The following POLK variants were observed in gnomAD, a reference collection of about 807,000 sequenced individuals.
POLK encodes the protein polymerase (DNA directed) kappa.
Under a neutral mutation model 94.0 loss-of-function variants are expected in POLK, and 76 were observed. The ratio of observed to expected loss-of-function variants is 0.81; its 90% CI spans 0.67 to 0.98. POLK has a LOEUF of 0.98. POLK is among the 50% of genes least tolerant of loss of function. The pLI is 0.00. For synonymous variants in POLK, 349 were observed against 325.4 expected, an observed-to-expected ratio of 1.07 and a Z score of -0.78; for missense variants, 954 against 1,010.1, an observed-to-expected ratio of 0.94 and a Z score of 0.75.
intron 1 of POLK, among the ~76,000 whole-genome samples, chr5:75,530,279 T>C (rs187680447): frequency 1.1e-3 from 161 of 147,896 alleles, no homozygotes; most frequent in African/African-American, 3.8e-3. Flanking sequence ...AGATGGAATC[T>C]TGCTTTGTCA....
At chr5:75,561,383 T>C (rs1324739920) in intron 3 of POLK, among the ~76,000 whole-genome samples, 1 of 152,194 alleles carries the variant, frequency 6.6e-6, no homozygotes, top group Non-Finnish European at 1.5e-5. Context: ...TTTGTGTAAG[T>C]TCCTTGTAGA....
At chr5:75,574,873 A>C (rs1392963782) in intron 5 of POLK, among the ~76,000 whole-genome samples, 1 of 152,242 alleles carries the variant, frequency 6.6e-6, no homozygotes, top group Non-Finnish European at 1.5e-5. Context: ...ATAAAATACT[A>C]ATCATAAATA....
At chr5:75,586,929 G>T in intron 9 of POLK, 97 bp from the exon 10 acceptor site, 1 of 779,936 alleles carries the variant, frequency 1.3e-6, no homozygotes, top group South Asian at 1.7e-5. Context: ...TAAAAAATTT[G>T]AGAGCTCTAA....
chr5:75,570,272 G>A (rs1350954465), intron 4 of POLK, among the ~76,000 whole-genome samples: 1 of 152,048 alleles, frequency 6.6e-6, no homozygotes, highest in Non-Finnish European at 1.5e-5. Context: ...AATTTCCATG[G>A]CAAATTAAAT....
chr5:75,530,401 T>C (rs1168508510), intron 1 of POLK, among the ~76,000 whole-genome samples: 9 of 107,596 alleles, frequency 8.4e-5, no homozygotes, highest in Non-Finnish European at 1.6e-4. Context: ...TTTTTCTTTT[T>C]TTTTTTTTTT....
At chr5:75,608,798 C>G in the POLK span, 1 of 152,126 alleles carries the variant, frequency 6.6e-6, no homozygotes, top group African/African-American at 2.4e-5. Context: ...TGATGGCTCT[C>G]CACCAGGAAA....
chr5:75,532,900 G>T (rs186041807), intron 1 of POLK, among the ~76,000 whole-genome samples: 2 of 152,042 alleles, frequency 1.3e-5, no homozygotes, highest in African/African-American at 4.8e-5. Flanking sequence ...AAAAGTATTT[G>T]TTCATGTTTT....
intron 1 of POLK, among the ~76,000 whole-genome samples, chr5:75,539,646 CA>C (rs1769634923): frequency 6.6e-6 from 1 of 151,850 alleles, no homozygotes; most frequent in Admixed American, 6.6e-5. Context: ...TTTATAGAGA[CA>C]GGCGTCTTAC....
intron 3 of POLK, among the ~76,000 whole-genome samples, chr5:75,562,665 T>C (rs1771050252): frequency 6.6e-6 from 1 of 152,200 alleles, no homozygotes. Context: ...ATAGCTCTTA[T>C]TATTTTGAGA....
At chr5:75,543,535 G>A (rs967881160) in intron 1 of POLK, among the ~76,000 whole-genome samples, 2 of 152,176 alleles carry the variant, frequency 1.3e-5, no homozygotes, top group Admixed American at 6.5e-5. Flanking sequence ...CGTAAATGGA[G>A]CTGGTTGGAG....
chr5:75,522,108 A>G (rs1431516480), intron 1 of POLK, among the ~76,000 whole-genome samples: 1 of 152,078 alleles, frequency 6.6e-6, no homozygotes, highest in African/African-American at 2.4e-5. Flanking sequence ...CCCTTTGTGT[A>G]CTCATGATGC....
chr5:75,524,224 A>T (rs1158002190), intron 1 of POLK, among the ~76,000 whole-genome samples: 2 of 152,192 alleles, frequency 1.3e-5, no homozygotes, highest in African/African-American at 4.8e-5. Flanking sequence ...GAATATGAGA[A>T]CCTGTTTCAT....
chr5:75,545,913 A>G (rs1769995444), intron 1 of POLK, among the ~76,000 whole-genome samples: 1 of 152,208 alleles, frequency 6.6e-6, no homozygotes, highest in African/African-American at 2.4e-5. Flanking sequence ...TATGGCGAAT[A>G]ATATCTATCT....
Position 75,523,991 on chromosome 5 carries a change from G to A in POLK, c.-14+12077G>A, listed in dbSNP as rs1401369990. On this transcript the variant is annotated intron_variant, in intron 1 of 14. Coordinates refer to ENST00000241436, the Ensembl canonical transcript of POLK. ...CTAAAAATGCAAAAATTAGCCAGAT[G>A]TGCTGGCGGGCACCTGTAATCCCAG... Among the ~76,000 whole-genome samples the A allele has an allele frequency of 2.6e-5, 4 of 152,050 alleles. 1 individual carries two copies. The highest frequency in any genetic ancestry group is 2.0e-4 in the Admixed American group (3 of 15,256).
chr5:75,528,864 T>C (rs1768998853), intron 1 of POLK, among the ~76,000 whole-genome samples: 1 of 152,174 alleles, frequency 6.6e-6, no homozygotes, highest in Non-Finnish European at 1.5e-5. Flanking sequence ...ATGTAAAGTT[T>C]TGTATTTTCA....
chr5:75,530,419 T>G (rs1769114656), intron 1 of POLK, among the ~76,000 whole-genome samples: 1 of 137,956 alleles, frequency 7.2e-6, no homozygotes, highest in Non-Finnish European at 1.6e-5. Flanking sequence ...TTTTTTTTTT[T>G]TTTGAGTTGG....
At chr5:75,549,692 A>G (rs150701156) in intron 2 of POLK, among the ~76,000 whole-genome samples, 1 of 152,180 alleles carries the variant, frequency 6.6e-6, no homozygotes, top group East Asian at 1.9e-4. Context: ...AATACAATTT[A>G]CTTTTTACTT....
intron 1 of POLK, among the ~76,000 whole-genome samples, chr5:75,515,907 AT>A (rs869255017): frequency 7.9e-5 from 12 of 152,166 alleles, no homozygotes; most frequent in East Asian, 1.9e-4. Flanking sequence ...AATAAAAAAA[AT>A]TTTTTTTAAG....
intron 3 of POLK, among the ~76,000 whole-genome samples, chr5:75,559,509 T>G (rs1309033632): frequency 2.1e-5 from 3 of 142,520 alleles, no homozygotes; most frequent in East Asian, 2.0e-4. Context: ...GGGTTTGTTT[T>G]TTTGTTTTGT....
Sources: gnomAD v4.1 joint callset for allele counts (sites outside exome capture counted in the v4.1 genomes callset) on GRCh38, gnomAD v4.1.1 for gene constraint, MANE v1.5 for transcripts, NCBI Gene and HGNC (gene_info 2026-07-23, HGNC 2026-07-21) for gene names.